The following AK7 variants were observed in gnomAD, a reference collection of about 807,000 sequenced individuals.
AK7 encodes ATP-AMP transphosphorylase 7.
Under a neutral mutation model 96.6 loss-of-function variants are expected in AK7, and 78 were observed. That is an observed-to-expected ratio of 0.81 (90% CI 0.67 to 0.97). The LOEUF (loss-of-function observed/expected upper bound fraction) is 0.97. Among genes scored for constraint, AK7 ranks in the 50% least tolerant of loss-of-function variants. The pLI is 0.00. For synonymous variants in AK7, 302 were observed against 317.2 expected, an observed-to-expected ratio of 0.95 and a Z score of 0.51; for missense variants, 855 against 887.9, an observed-to-expected ratio of 0.96 and a Z score of 0.47.
chr14:96,471,458 C>A lies in AK7; in HGVS notation c.1358-20C>A. 2 of 1,277,062 alleles carry A rather than the reference C, an allele frequency of 1.6e-6. No individual in the cohort carries two copies. Among genetic ancestry groups the A allele is most frequent in the Non-Finnish European group, 2.2e-6 (2 of 925,778 alleles). The allele number at this position is 1,277,062 out of a possible 1,614,324, so 79.1% of individuals were successfully genotyped here. A position where few individuals can be genotyped will look rare whatever the true frequency, so the allele number is the denominator to read the frequency against. ...TGTGATACATTATAAGTAATATATA[C>A]ATATATGTTTTTTTATCAGGTCAAC... is the stretch of plus-strand genomic sequence containing the variant. On this transcript the variant is annotated intron_variant, in intron 12 of 17. Transcript: ENST00000267584.
At chr14:96,424,015 A>C in intron 5 of AK7, 1 of 778,606 alleles carries the variant, frequency 1.3e-6, no homozygotes, top group Non-Finnish European at 2.3e-6. Context: ...CGGGTCTGTC[A>C]AGACCCAGGT....
intron 7 of AK7, 98 bp from the exon 8 acceptor site, chr14:96,446,419 C>T (rs1015240570): frequency 2.8e-5 from 28 of 1,006,178 alleles, no homozygotes; most frequent in African/African-American, 2.7e-4. Flanking sequence ...AGCACCAAAC[C>T]CCACGCCCAG....
At chr14:96,487,099 G>C in intron 17 of AK7, 43 bp downstream of exon 17, 1 of 1,604,018 alleles carries the variant, frequency 6.2e-7, no homozygotes, top group South Asian at 1.1e-5. Flanking sequence ...TTGAGTTTGG[G>C]TGTGGCGGCT....
intron 15 of AK7, among the ~76,000 whole-genome samples, chr14:96,482,235 A>AAAAAC (rs1440466764): frequency 1.3e-5 from 2 of 151,936 alleles, no homozygotes; most frequent in Middle Eastern, 3.4e-3. Flanking sequence ...CTGTCTCTAT[A>AAAAAC]AAAACAAAAC....
At chr14:96,414,353 T>C (rs949409929) in intron 4 of AK7, among the ~76,000 whole-genome samples, 2 of 152,188 alleles carry the variant, frequency 1.3e-5, no homozygotes, top group Non-Finnish European at 2.9e-5. Context: ...AGCCCATAGC[T>C]GAGGAGCCCG....
intron 4 of AK7, among the ~76,000 whole-genome samples, chr14:96,419,162 A>G (rs775561486): frequency 6.6e-6 from 1 of 152,160 alleles, no homozygotes; most frequent in Non-Finnish European, 1.5e-5. Flanking sequence ...ACTGTCAAGA[A>G]ATGTTTTTAA....
At chr14:96,441,159 A>G (rs944151299) in intron 6 of AK7, among the ~76,000 whole-genome samples, 17 of 152,320 alleles carry the variant, frequency 1.1e-4, no homozygotes, top group African/African-American at 4.1e-4. Context: ...AAATAGACAT[A>G]GGGCCGAGGA....
rs530032518 is a variant in AK7, at chr14:96,404,653, C to T, written c.295-104C>T. Reference sequence around the variant, plus strand: ...CCTCCTGCAAGTGTTTCCTGTGGGACTCCTCAGTGTAGCATATGTATTTTG... The same window carrying T: ...CCTCCTGCAAGTGTTTCCTGTGGGATTCCTCAGTGTAGCATATGTATTTTG... On this transcript the variant is annotated intron_variant, in intron 2 of 17. Coordinates refer to ENST00000267584, the MANE Select transcript of AK7 (RefSeq NM_152327.5). The T allele has an allele frequency of 6.9e-6, 4 of 575,630 alleles. No homozygotes were observed. In the South Asian group the frequency reaches 1.3e-4, roughly 19 times the overall value. The allele number at this position is 575,630 out of a possible 1,614,324, so 35.7% of individuals were successfully genotyped here. A position where few individuals can be genotyped will look rare whatever the true frequency, so the allele number is the denominator to read the frequency against.
At chr14:96,473,895 T>C (rs768231376) in intron 14 of AK7, among the ~76,000 whole-genome samples, 15 of 152,230 alleles carry the variant, frequency 9.9e-5, no homozygotes, top group Non-Finnish European at 1.6e-4. Flanking sequence ...AGTTCACTCT[T>C]AACTCCACAG....
At chr14:96,434,943 G>C (rs887260454) in intron 5 of AK7, among the ~76,000 whole-genome samples, 7 of 152,084 alleles carry the variant, frequency 4.6e-5, no homozygotes, top group African/African-American at 1.7e-4. Flanking sequence ...AAGTCAGCTG[G>C]TCTTGACTGC....
chr14:96,404,786 C>G lies in AK7; in HGVS notation c.324C>G (p.Arg108=). ...SAISREDLLM[R]LLECDVIIYN... is the part of the protein sequence containing the mutation. ...TCTCTCGAGAAGACCTTCTCATGCG[C>G]CTGCTGGAGTGTGATGTTATTATTT... The change falls in exon 3 of 18, where the codon CGC becomes CGG. Residue 108 remains arginine (R), a synonymous_variant. Transcript: ENST00000267584. 6.2e-7 allele frequency: 1 copy of G among 1,609,232 alleles called. No homozygotes were observed. Among genetic ancestry groups the G allele is most frequent in the Non-Finnish European group, 8.5e-7 (1 of 1,176,118 alleles).
At chr14:96,407,368 G>A (rs1298922595) in intron 3 of AK7, among the ~76,000 whole-genome samples, 40 of 152,152 alleles carry the variant, frequency 2.6e-4, no homozygotes. Context: ...CGTGATCATA[G>A]TGTTCTTAGA....
At chr14:96,413,193 G>A (rs891689227) in intron 4 of AK7, among the ~76,000 whole-genome samples, 6 of 152,270 alleles carry the variant, frequency 3.9e-5, no homozygotes, top group Admixed American at 3.9e-4. Flanking sequence ...GTCCTGAGTA[G>A]GCCTGAGAGG....
intron 16 of AK7, among the ~76,000 whole-genome samples, chr14:96,483,704 G>C (rs1291446293): frequency 6.6e-6 from 1 of 152,162 alleles, no homozygotes; most frequent in African/African-American, 2.4e-5. Context: ...GGGATTATAG[G>C]CATGAGCCAC....
At chr14:96,462,917 C>G (rs1894336092) in intron 12 of AK7, among the ~76,000 whole-genome samples, 1 of 152,038 alleles carries the variant, frequency 6.6e-6, no homozygotes, top group Admixed American at 6.6e-5. Context: ...GAGGGCGGAT[C>G]ACGAGGTCAG....
intron 15 of AK7, among the ~76,000 whole-genome samples, chr14:96,482,021 T>C (rs1895531658): frequency 6.6e-6 from 1 of 152,144 alleles, no homozygotes; most frequent in African/African-American, 2.4e-5. Context: ...AAAGGTTTGC[T>C]TCTGTTCACC....
Position 96,408,180 on chromosome 14 carries a change from A to G in AK7, c.404-667A>G, listed in dbSNP as rs1216289743. Reference sequence around the variant, plus strand: ...CTTCCTTCCACCATGGCTTTCACTGAACAGGGTTGCCTTATGGGAACTCCT... The same window carrying G: ...CTTCCTTCCACCATGGCTTTCACTGGACAGGGTTGCCTTATGGGAACTCCT... On this transcript the variant is annotated intron_variant, in intron 3 of 17. Transcript: ENST00000267584. Among the ~76,000 whole-genome samples, 3 of 152,180 alleles carry G rather than the reference A, an allele frequency of 2.0e-5. No homozygotes were observed. In the East Asian group the frequency reaches 5.8e-4, roughly 29 times the overall value.
intron 14 of AK7, 59 bp downstream of exon 14, chr14:96,472,814 G>A: frequency 1.4e-6 from 2 of 1,413,556 alleles, no homozygotes; most frequent in Non-Finnish European, 2.0e-6. Flanking sequence ...GGGCGTGGTG[G>A]CTCACGCCTG....
chr14:96,464,512 TC>T (rs1484334489), intron 12 of AK7, among the ~76,000 whole-genome samples: 2 of 112,404 alleles, frequency 1.8e-5, no homozygotes, highest in African/African-American at 7.0e-5. Context: ...TGGCCGAGAC[TC>T]CAGCCTGGGT....
Sources: gnomAD v4.1 joint callset for allele counts (sites outside exome capture counted in the v4.1 genomes callset) on GRCh38, gnomAD v4.1.1 for gene constraint, MANE v1.5 for transcripts, NCBI Gene and HGNC (gene_info 2026-07-23, HGNC 2026-07-21) for gene names.